Variants in MTCL1 observed in about 807,000 individuals in gnomAD.
MTCL1 encodes microtubule cross-linking factor 1.
Under a neutral mutation model 141.4 loss-of-function variants are expected in MTCL1, and 79 were observed. That is an observed-to-expected ratio of 0.56 (90% CI 0.47 to 0.67). The LOEUF (loss-of-function observed/expected upper bound fraction) is 0.67, where lower values mean the gene tolerates loss of function less well. Among genes scored for constraint, MTCL1 ranks in the 30% least tolerant of loss-of-function variants. The probability of loss-of-function intolerance (pLI) is 0.00; values close to 1 mark genes in which losing one functional copy is unlikely to be tolerated. For missense variants in MTCL1, 2,177 were observed against 2,113.9 expected (o/e 1.03, Z -0.59); for synonymous variants, 914 against 875.8 (o/e 1.04, Z -0.77).
chr18:8,788,081 A>T (rs2075580749), intron 7 of MTCL1, among the ~76,000 whole-genome samples: 1 of 152,192 alleles, frequency 6.6e-6, no homozygotes, highest in African/African-American at 2.4e-5. Flanking sequence ...TTGCTTTCCC[A>T]TGAGGCTCTA....
intron 4 of MTCL1, among the ~76,000 whole-genome samples, chr18:8,764,041 G>GT (rs1343247737): frequency 6.6e-6 from 1 of 152,002 alleles, no homozygotes; most frequent in Non-Finnish European, 1.5e-5. Flanking sequence ...AGTTGAAAAA[G>GT]TTCATACTTC....
At chr18:8,785,517 C>T (rs562279721) in intron 6 of MTCL1, among the ~76,000 whole-genome samples, 2 of 152,336 alleles carry the variant, frequency 1.3e-5, no homozygotes, top group Admixed American at 1.3e-4. Context: ...GCCCAGCTGC[C>T]GCCCTGGACT....
intron 4 of MTCL1, among the ~76,000 whole-genome samples, chr18:8,728,895 C>A (rs1457239022): frequency 6.6e-6 from 1 of 151,718 alleles, no homozygotes; most frequent in African/African-American, 2.4e-5. Context: ...CCACCATGCC[C>A]AGCTTTTTCT....
At chr18:8,761,104 G>A (rs1044948742) in intron 4 of MTCL1, among the ~76,000 whole-genome samples, 2 of 152,094 alleles carry the variant, frequency 1.3e-5, no homozygotes, top group Admixed American at 1.3e-4. Context: ...AACAGTCTGG[G>A]TCCATCTAGA....
intron 16 of MTCL1, chr18:8,829,854 G>A: frequency 1.0e-6 from 1 of 985,182 alleles, no homozygotes; most frequent in Non-Finnish European, 1.2e-6. Flanking sequence ...ATGCCGGTGT[G>A]TTACTAAGGA....
chr18:8,831,645 C>G (rs1354984141), exon 17 of MTCL1: 3 of 1,550,544 alleles, frequency 1.9e-6, no homozygotes, highest in Non-Finnish European at 2.6e-6. Context: ...CCCTAGAGCC[C>G]TGCTTCTCCA....
At chr18:8,757,002 G>A (rs2096405373) in intron 4 of MTCL1, among the ~76,000 whole-genome samples, 1 of 152,182 alleles carries the variant, frequency 6.6e-6, no homozygotes, top group South Asian at 2.1e-4. Context: ...TAGCACCGTG[G>A]AACTGTCAGC....
chr18:8,805,654 A>G (rs56929229), intron 10 of MTCL1, among the ~76,000 whole-genome samples: 4,270 of 152,210 alleles, frequency 0.028, 207 homozygotes, highest in African/African-American at 0.096. Flanking sequence ...GAGGTTTATC[A>G]AGTTTGGGGG....
chr18:8,785,021 G>T (rs201292445), intron 6 of MTCL1, among the ~76,000 whole-genome samples, 178 bp downstream of exon 5: 1,658 of 130,146 alleles, frequency 0.013, 15 homozygotes, highest in Non-Finnish European at 0.02. Context: ...CGTTTTTTTT[G>T]TTTTTTTTTT....
exon 15 of MTCL1, chr18:8,825,405 C>T: frequency 6.5e-7 from 1 of 1,544,056 alleles, no homozygotes. Context: ...CTGCTCCGGC[C>T]CTGGCGAGCT....
intron 4 of MTCL1, among the ~76,000 whole-genome samples, chr18:8,732,372 A>C (rs1260195099): frequency 6.6e-6 from 1 of 152,078 alleles, no homozygotes; most frequent in Non-Finnish European, 1.5e-5. Context: ...TCAGTTTCCC[A>C]AAGTTTTGGG....
chr18:8,714,513 G>A (rs141860727), upstream of MTCL1, among the ~76,000 whole-genome samples: 603 of 152,278 alleles, frequency 4.0e-3, 6 homozygotes, highest in African/African-American at 0.014. Flanking sequence ...CACATGGCTG[G>A]GGAGGCCTCA....
At chr18:8,809,746 C>A in intron 11 of MTCL1, 1 of 853,472 alleles carries the variant, frequency 1.2e-6, no homozygotes, top group Non-Finnish European at 1.7e-6. Flanking sequence ...GATGGGCCAT[C>A]ACTGAGACAG....
intron 4 of MTCL1, among the ~76,000 whole-genome samples, chr18:8,771,867 C>T (rs974001691): frequency 5.9e-5 from 9 of 152,226 alleles, no homozygotes; most frequent in Non-Finnish European, 1.0e-4. Flanking sequence ...GCAAAGCCCC[C>T]ACTGGGGGGG....
chr18:8,765,714 T>C (rs929603125), intron 4 of MTCL1, among the ~76,000 whole-genome samples: 9 of 152,264 alleles, frequency 5.9e-5, no homozygotes, highest in Middle Eastern at 6.8e-3. Context: ...TGTTGAATAA[T>C]AAAATCGAGA....
intron 7 of MTCL1, among the ~76,000 whole-genome samples, chr18:8,790,844 A>G (rs537476831): frequency 2.6e-5 from 4 of 152,052 alleles, no homozygotes; most frequent in Non-Finnish European, 5.9e-5. Flanking sequence ...GTGAAACCCT[A>G]TCTCTACTAA....
chr18:8,744,942 C>T (rs1262396888), intron 4 of MTCL1, among the ~76,000 whole-genome samples: 4 of 152,216 alleles, frequency 2.6e-5, no homozygotes, highest in South Asian at 2.1e-4. Context: ...CTGAGCAGGG[C>T]AGCCAGCCCC....
chr18:8,726,913 CAGT>C (rs563165764), intron 4 of MTCL1, among the ~76,000 whole-genome samples: 86 of 152,272 alleles, frequency 5.6e-4, no homozygotes, highest in African/African-American at 1.8e-3. Context: ...TGACTGTACT[CAGT>C]AGATAATTTG....
exon 4 of MTCL1, chr18:8,720,429 G>T (rs541450483): frequency 6.2e-7 from 1 of 1,614,128 alleles, no homozygotes; most frequent in African/African-American, 1.3e-5. Flanking sequence ...GAAACTCTCC[G>T]ACAGCAGATG....
Sources: allele counts gnomAD v4.1 joint callset (sites outside exome capture counted in the v4.1 genomes callset), GRCh38; gene constraint gnomAD v4.1.1; transcripts MANE v1.5; gene names NCBI Gene and HGNC (gene_info 2026-07-23, HGNC 2026-07-21).